The following ADAMTSL1 variants were observed in gnomAD, a reference collection of about 807,000 sequenced individuals.
The protein encoded by ADAMTSL1 is ADAMTS-like protein 1.
Under a neutral mutation model 201.8 loss-of-function variants are expected in ADAMTSL1, and 126 were observed. That is an observed-to-expected ratio of 0.62 (90% CI 0.54 to 0.72). The LOEUF (loss-of-function observed/expected upper bound fraction) is 0.72. ADAMTSL1 is among the 30% of genes least tolerant of loss of function. The pLI, the probability that ADAMTSL1 is intolerant of heterozygous loss-of-function variation, is 0.00. For synonymous variants in ADAMTSL1, 1,121 were observed against 903.4 expected (o/e 1.24, Z -4.32); for missense variants, 2,679 against 2,277.8 (o/e 1.18, Z -3.59).
At chr9:18,607,503 C>T (rs1443211295) in intron 4 of ADAMTSL1, among the ~76,000 whole-genome samples, 1 of 151,908 alleles carries the variant, frequency 6.6e-6, no homozygotes, top group Non-Finnish European at 1.5e-5. Context: ...TTAATTGACG[C>T]TGTATTATGC....
At chr9:18,563,427 TC>T (rs1821664952) in intron 3 of ADAMTSL1, among the ~76,000 whole-genome samples, 1 of 152,176 alleles carries the variant, frequency 6.6e-6, no homozygotes, top group Admixed American at 6.5e-5. Flanking sequence ...GCTGGAGCTC[TC>T]CTATATGAGG....
intron 5 of ADAMTSL1, among the ~76,000 whole-genome samples, chr9:18,631,178 T>C (rs1765045246): frequency 6.6e-6 from 1 of 152,200 alleles, no homozygotes; most frequent in Non-Finnish European, 1.5e-5. Context: ...ACTTTTTAAC[T>C]GATTACATAT....
chr9:18,621,559 CA>C (rs1826036332), intron 4 of ADAMTSL1, among the ~76,000 whole-genome samples: 3 of 34,954 alleles, frequency 8.6e-5, no homozygotes, highest in Non-Finnish European at 2.0e-4. Context: ...TCCTCTTCCA[CA>C]CACACACACA....
chr9:18,269,386 C>T lies in ADAMTSL1; in HGVS notation c.207+105405C>T, dbSNP rs190113333. 2.0e-3 allele frequency among the ~76,000 whole-genome samples: 298 copies of T among 152,224 alleles called. 3 individuals are homozygous for T. The highest frequency in any genetic ancestry group is 6.8e-3 in the African/African-American group (284 of 41,562). ...TTGTAGGACCCATCTGCATGGATTT[C>T]TTGAGACCTTCTCTCTAGGTCCTAC... is the stretch of plus-strand genomic sequence containing the variant. On this transcript the variant is annotated intron_variant, in intron 2 of 29. Coordinates refer to the ADAMTSL1 transcript ENST00000680146.
chr9:18,721,987 C>A (rs1407566165), intron 15 of ADAMTSL1, among the ~76,000 whole-genome samples: 1 of 152,280 alleles, frequency 6.6e-6, no homozygotes, highest in East Asian at 1.9e-4. Context: ...GGCTCTGCCA[C>A]CTTTTAGCCT....
At chr9:18,236,710 A>C (rs1354758320) in intron 2 of ADAMTSL1, among the ~76,000 whole-genome samples, 2 of 152,266 alleles carry the variant, frequency 1.3e-5, no homozygotes, top group African/African-American at 4.8e-5. Flanking sequence ...TCAGAAGCAC[A>C]GGAATTAAAT....
In ADAMTSL1 at chr9:18,795,553, T is replaced by G. The variant is rs190016736; in HGVS notation, c.3805+29T>G. 98 of 1,577,408 alleles carry G rather than the reference T, an allele frequency of 6.2e-5. 1 individual carries two copies. Among genetic ancestry groups the G allele is most frequent in the Non-Finnish European group, 9.5e-6 (11 of 1,160,194 alleles). ...ACCCAAAAATCCCTGTTCTGTTCATTTCATAAACCTTTATTGAATGAGTGC... is the reference window on the plus strand; with the variant it reads ...ACCCAAAAATCCCTGTTCTGTTCATGTCATAAACCTTTATTGAATGAGTGC... On this transcript the variant is annotated intron_variant, in intron 20 of 28. Coordinates refer to ENST00000380548, the MANE Select transcript of ADAMTSL1 (RefSeq NM_001040272.6).
chr9:18,631,634 C>A (rs1431413911), intron 5 of ADAMTSL1, among the ~76,000 whole-genome samples: 1 of 152,184 alleles, frequency 6.6e-6, no homozygotes, highest in Non-Finnish European at 1.5e-5. Context: ...ATATTATCCT[C>A]ATCACCTTTC....
At chr9:18,510,153 T>A (rs567689655) in intron 2 of ADAMTSL1, among the ~76,000 whole-genome samples, 1 of 152,326 alleles carries the variant, frequency 6.6e-6, no homozygotes, top group Admixed American at 6.5e-5. Context: ...GTCTGATTAT[T>A]TTTTCAAGTC....
At chr9:18,049,220 A>C (rs1821811245) in intron 1 of ADAMTSL1, among the ~76,000 whole-genome samples, 1 of 152,194 alleles carries the variant, frequency 6.6e-6, no homozygotes, top group Non-Finnish European at 1.5e-5. Context: ...CCCAGTTACC[A>C]TGGGTTAGGA....
chr9:18,490,490 T>A (rs1297453219), intron 1 of ADAMTSL1, among the ~76,000 whole-genome samples: 2 of 152,154 alleles, frequency 1.3e-5, no homozygotes, highest in Non-Finnish European at 2.9e-5. Flanking sequence ...TTGGATGTGC[T>A]GAGTTTAAAG....
intron 1 of ADAMTSL1, among the ~76,000 whole-genome samples, chr9:18,067,754 T>C (rs1440824734): frequency 6.6e-6 from 1 of 152,110 alleles, no homozygotes; most frequent in South Asian, 2.1e-4. Context: ...GATTAAAAGC[T>C]TGTAAAATAA....
chr9:17,922,271 G>A (rs1171536062), intron 1 of ADAMTSL1, among the ~76,000 whole-genome samples: 1 of 152,084 alleles, frequency 6.6e-6, no homozygotes, highest in Non-Finnish European at 1.5e-5. Flanking sequence ...TTTCTTTTCA[G>A]TTCTGCTCAT....
intron 23 of ADAMTSL1, among the ~76,000 whole-genome samples, chr9:18,877,639 G>C (rs540102768): frequency 6.6e-6 from 1 of 152,316 alleles, no homozygotes; most frequent in East Asian, 1.9e-4. Context: ...AGTAGAAGGG[G>C]AGTGAAGTGG....
chr9:18,391,802 A>C (rs1039833274), intron 2 of ADAMTSL1, among the ~76,000 whole-genome samples: 1 of 145,972 alleles, frequency 6.9e-6, no homozygotes, highest in African/African-American at 2.5e-5. Flanking sequence ...TGAATCAACT[A>C]CTTTTTTTCT....
chr9:18,331,602 C>G (rs947367160), intron 2 of ADAMTSL1, among the ~76,000 whole-genome samples: 1 of 152,164 alleles, frequency 6.6e-6, no homozygotes, highest in Non-Finnish European at 1.5e-5. Flanking sequence ...CTAATTTTAT[C>G]TCTGGTGTAG....
chr9:18,755,821 T>C (rs746958625), intron 16 of ADAMTSL1, among the ~76,000 whole-genome samples: 19 of 152,044 alleles, frequency 1.2e-4, no homozygotes, highest in Non-Finnish European at 2.6e-4. Flanking sequence ...AAGTTCATTC[T>C]TCAGGTTGGG....
intron 2 of ADAMTSL1, among the ~76,000 whole-genome samples, chr9:18,388,569 C>T (rs538768404): frequency 6.6e-5 from 10 of 151,534 alleles, no homozygotes; most frequent in Admixed American, 4.6e-4. Flanking sequence ...CCACCATGTT[C>T]GGCCTGGACT....
chr9:18,226,671 C>T (rs1039262689), intron 2 of ADAMTSL1, among the ~76,000 whole-genome samples: 1 of 152,094 alleles, frequency 6.6e-6, no homozygotes, highest in African/African-American at 2.4e-5. Context: ...TCTCCCCATT[C>T]AGCCTTAACT....
Sources: allele counts gnomAD v4.1 joint callset (sites outside exome capture counted in the v4.1 genomes callset), GRCh38; gene constraint gnomAD v4.1.1; transcripts MANE v1.5; gene names NCBI Gene and HGNC (gene_info 2026-07-23, HGNC 2026-07-21).